EXT1: variants seen among roughly 807,000 people sequenced by gnomAD.
EXT1 encodes the protein exostosin glycosyltransferase 1.
EXT1 carries 20 observed loss-of-function variants against 82.5 expected under a neutral mutation model. The ratio of observed to expected loss-of-function variants is 0.24; its 90% confidence interval spans 0.17 to 0.35. The LOEUF (loss-of-function observed/expected upper bound fraction) is 0.35, where lower values mean the gene tolerates loss of function less well. Ranked by LOEUF, EXT1 falls within the 10% of genes least tolerant of loss-of-function variation. The pLI is 1.00. For missense variants in EXT1, 757 were observed against 936.5 expected, an observed-to-expected ratio of 0.81 and a Z score of 2.50; for synonymous variants, 348 against 350.8, an observed-to-expected ratio of 0.99 and a Z score of 0.09.
intron 1 of EXT1, among the ~76,000 whole-genome samples, chr8:117,958,730 A>G (rs1177024249): frequency 6.6e-6 from 1 of 152,222 alleles, no homozygotes; most frequent in Non-Finnish European, 1.5e-5. Flanking sequence ...GAAAGGCACT[A>G]ATTTTACTAC....
At chr8:117,802,723 T>A (rs753415219) in intron 10 of EXT1, among the ~76,000 whole-genome samples, 1 of 152,192 alleles carries the variant, frequency 6.6e-6, no homozygotes, top group Non-Finnish European at 1.5e-5. Context: ...AGACAATACA[T>A]CTTGCTTGAA....
At chr8:117,876,902 G>A (rs1812981454) in intron 1 of EXT1, among the ~76,000 whole-genome samples, 1 of 152,162 alleles carries the variant, frequency 6.6e-6, no homozygotes, top group Non-Finnish European at 1.5e-5. Flanking sequence ...AATGTCACAA[G>A]TAAGCTGAAA....
intron 1 of EXT1, among the ~76,000 whole-genome samples, chr8:118,033,805 A>G (rs1385888425): frequency 6.6e-6 from 1 of 152,214 alleles, no homozygotes; most frequent in Non-Finnish European, 1.5e-5. Flanking sequence ...TTGAATGAAA[A>G]GTTTGGATAT....
chr8:117,944,375 A>G (rs995583532), intron 1 of EXT1, among the ~76,000 whole-genome samples: 3 of 152,000 alleles, frequency 2.0e-5, no homozygotes, highest in African/African-American at 7.3e-5. Context: ...CTCCAGCCTG[A>G]GCAACAGAGC....
intron 1 of EXT1, among the ~76,000 whole-genome samples, chr8:117,997,743 A>G (rs1170422664): frequency 1.3e-5 from 2 of 152,184 alleles, no homozygotes; most frequent in Non-Finnish European, 2.9e-5. Context: ...ATTAGCTCAG[A>G]TGAGCTCATT....
chr8:118,043,768 A>G (rs1816575225), intron 1 of EXT1, among the ~76,000 whole-genome samples: 1 of 152,176 alleles, frequency 6.6e-6, no homozygotes, highest in Admixed American at 6.5e-5. Flanking sequence ...GTTATGTTTT[A>G]TTTCTAGGAA....
rs907428363 is a variant in EXT1, at chr8:117,796,040, C to T, written c.*3672G>A. ...CAACTGAAAGGTTCTTGTCCATAGT[C>T]GCTGTAAAGGGGAACTAGGTAAATG... On this transcript the variant is annotated 3_prime_UTR_variant, in exon 11 of 11. Coordinates refer to ENST00000378204, the MANE Select transcript of EXT1 (RefSeq NM_000127.3). The T allele has an allele frequency of 1.3e-5, 2 of 152,104 alleles. No individual in the cohort carries two copies. The highest frequency in any genetic ancestry group is 6.5e-5 in the Admixed American group (1 of 15,268). The allele number at this position is 152,104 out of a possible 1,614,324, so 9.4% of individuals were successfully genotyped here.
intron 1 of EXT1, among the ~76,000 whole-genome samples, chr8:117,923,094 G>A (rs1813887443): frequency 6.6e-6 from 1 of 152,148 alleles, no homozygotes; most frequent in South Asian, 2.1e-4. Flanking sequence ...GGAGGCCGAG[G>A]TGGGTGGATC....
chr8:117,948,320 C>CAAAAAA lies in EXT1; in HGVS notation c.963-111125_963-111120dup, dbSNP rs34394392. Among the ~76,000 whole-genome samples the CAAAAAA allele has an allele frequency of 8.3e-3, 432 of 51,888 alleles. 22 individuals carry two copies. Among genetic ancestry groups the CAAAAAA allele is most frequent in the African/African-American group, 0.024 (422 of 17,314 alleles). The allele number at this position is 51,888 out of a possible 152,430, so 34.0% of individuals were successfully genotyped here. On this transcript the variant is annotated intron_variant, in intron 1 of 10. Transcript: ENST00000378204. ...AAGAAGTCATTCTGACTGCCCTTGC[C>CAAAAAA]AAAAAAAAAAAAAAAAAAAAAGGAG... is the stretch of plus-strand genomic sequence containing the variant.
chr8:117,837,059 C>T lies in EXT1; in HGVS notation c.1056+49G>A, dbSNP rs776258558. On this transcript the variant is annotated intron_variant, in intron 2 of 10. Transcript: ENST00000378204. ...GGTGATAATGTTAAACCCACTTAAT[C>T]TGGCTTCGGTCCTCAGCCCTATTCT... 7 of 1,349,056 alleles carry T rather than the reference C, an allele frequency of 5.2e-6. No individual in the cohort carries two copies. In the African/African-American group the frequency reaches 5.7e-5, roughly 11 times the overall value. The allele number at this position is 1,349,056 out of a possible 1,614,324, so 83.6% of individuals were successfully genotyped here.
chr8:117,830,119 C>G, intron 4 of EXT1, 111 bp downstream of exon 4: 1 of 1,371,326 alleles, frequency 7.3e-7, no homozygotes, highest in Non-Finnish European at 1.0e-6. Flanking sequence ...GTACAGGAAT[C>G]TGGTTTTGCC....
chr8:118,075,238 A>G (rs573433307), intron 1 of EXT1, among the ~76,000 whole-genome samples: 1 of 152,354 alleles, frequency 6.6e-6, no homozygotes, highest in South Asian at 2.1e-4. Flanking sequence ...ACAGTGTTGG[A>G]GTCTGACAAG....
At chr8:118,068,500 CCA>C (rs1434878952) in intron 1 of EXT1, among the ~76,000 whole-genome samples, 1 of 152,172 alleles carries the variant, frequency 6.6e-6, no homozygotes, top group East Asian at 1.9e-4. Context: ...CCGACAGGCC[CCA>C]GTGTGTGTGT....
At chr8:118,024,797 T>TG (rs1313151835) in intron 1 of EXT1, among the ~76,000 whole-genome samples, 1 of 152,110 alleles carries the variant, frequency 6.6e-6, no homozygotes, top group Non-Finnish European at 1.5e-5. Context: ...GCTGGAGAGT[T>TG]GGAGGGAAAT....
At chr8:118,028,992 T>A (rs958456232) in intron 1 of EXT1, among the ~76,000 whole-genome samples, 2 of 152,174 alleles carry the variant, frequency 1.3e-5, no homozygotes, top group African/African-American at 4.8e-5. Flanking sequence ...ACCATAAATA[T>A]ATATCAATAT....
At chr8:117,907,010 A>G (rs4515578) in intron 1 of EXT1, among the ~76,000 whole-genome samples, 124,941 of 152,128 alleles carry the variant, frequency 0.82, 51,371 homozygotes, top group Non-Finnish European at 0.85. Context: ...TCACCCCACG[A>G]AATTAAGATG....
chr8:118,091,163 G>A (rs144431756), intron 1 of EXT1, among the ~76,000 whole-genome samples: 140 of 152,254 alleles, frequency 9.2e-4, no homozygotes, highest in African/African-American at 3.1e-3. Flanking sequence ...AACTGCACCC[G>A]GCCAAGAACC....
At chr8:117,872,582 A>C (rs554565363) in intron 1 of EXT1, among the ~76,000 whole-genome samples, 2 of 152,334 alleles carry the variant, frequency 1.3e-5, no homozygotes, top group East Asian at 3.9e-4. Flanking sequence ...GTGGATTTTA[A>C]TATGTTTCTG....
intron 1 of EXT1, among the ~76,000 whole-genome samples, chr8:117,926,707 G>A (rs1207255612): frequency 6.6e-6 from 1 of 152,118 alleles, no homozygotes; most frequent in Admixed American, 6.6e-5. Flanking sequence ...AAAGCAAGAA[G>A]GCAGACAGTT....
Sources: gnomAD v4.1 joint callset for allele counts (sites outside exome capture counted in the v4.1 genomes callset) on GRCh38, gnomAD v4.1.1 for gene constraint, MANE v1.5 for transcripts, NCBI Gene and HGNC (gene_info 2026-07-23, HGNC 2026-07-21) for gene names.